Variants in TCP11L2 observed in about 807,000 individuals in gnomAD.
TCP11L2 encodes t-complex 11 like 2, also known as T-complex protein 11-like protein 2.
In TCP11L2, 39 loss-of-function variants were observed where a neutral mutation model predicts 50.7. The observed-to-expected ratio is 0.77, with a 90% confidence interval of 0.60 to 1.01. The LOEUF (loss-of-function observed/expected upper bound fraction) is 1.01, where lower values mean the gene tolerates loss of function less well. TCP11L2 is among the 50% of genes least tolerant of loss of function. The pLI is 0.00. For synonymous variants in TCP11L2, 192 were observed against 219.3 expected (o/e 0.88, Z 1.10); for missense variants, 612 against 614.7 (o/e 1.00, Z 0.05).
intron 6 of TCP11L2, among the ~76,000 whole-genome samples, chr12:106,334,381 C>T (rs2035840462): frequency 6.6e-6 from 1 of 152,224 alleles, no homozygotes; most frequent in African/African-American, 2.4e-5. Flanking sequence ...CACAGGCATT[C>T]ATTCAGATGT....
At chr12:106,333,663 G>GA (rs965779635) in intron 6 of TCP11L2, among the ~76,000 whole-genome samples, 2 of 151,650 alleles carry the variant, frequency 1.3e-5, no homozygotes, top group South Asian at 2.1e-4. Context: ...TTATATATGT[G>GA]AAAAAAACAA....
chr12:106,318,410 T>G lies in TCP11L2; in HGVS notation c.360T>G (p.Asn120Lys). Residue 120 changes from asparagine (N) to lysine (K), a missense_variant, in exon 4 of 10, where the codon AAT becomes AAG. Coordinates refer to ENST00000299045, the MANE Select transcript of TCP11L2 (RefSeq NM_152772.3). ...GGGACGTCTTGGATTCAGAACTAAA[T>G]GCTGACCCTCCTGAGTTTGAACATG... Reference protein sequence around the residue: ...AFWDVLDSELNADPPEFEHAI... With the variant: ...AFWDVLDSELKADPPEFEHAI... 1 of 1,614,108 alleles carries G rather than the reference T, an allele frequency of 6.2e-7. No homozygotes were observed.
At chr12:106,330,536 A>G (rs1051573913) in intron 6 of TCP11L2, among the ~76,000 whole-genome samples, 13 of 152,286 alleles carry the variant, frequency 8.5e-5, no homozygotes, top group African/African-American at 2.9e-4. Flanking sequence ...AGAATTATCC[A>G]GTCCAAAATG....
At chr12:106,299,599 A>G (rs1053111280), upstream of TCP11L2, among the ~76,000 whole-genome samples, 1 of 152,210 alleles carries the variant, frequency 6.6e-6, no homozygotes, top group Non-Finnish European at 1.5e-5. Flanking sequence ...CTGCACGAAC[A>G]TGAAGCCAGC....
intron 6 of TCP11L2, chr12:106,329,800 A>G (rs2035684591): frequency 3.0e-6 from 3 of 989,254 alleles, no homozygotes; most frequent in Non-Finnish European, 3.6e-6. Flanking sequence ...GCGCTCTCTC[A>G]GTTGGATGTC....
At chr12:106,302,221 G>A (rs2034434972), upstream of TCP11L2, among the ~76,000 whole-genome samples, 1 of 152,104 alleles carries the variant, frequency 6.6e-6, no homozygotes, top group African/African-American at 2.4e-5. Flanking sequence ...TGTGGTCCAC[G>A]CCAGTGCGCC....
At chr12:106,309,457 G>A (rs570693217) in intron 1 of TCP11L2, among the ~76,000 whole-genome samples, 6 of 152,062 alleles carry the variant, frequency 3.9e-5, no homozygotes, top group African/African-American at 1.4e-4. Flanking sequence ...GCTCAGCAAG[G>A]ATACATTTCT....
chr12:106,302,690 C>T (rs2136571381), upstream of TCP11L2: 1 of 152,404 alleles, frequency 6.6e-6, no homozygotes, highest in South Asian at 2.1e-4. Flanking sequence ...CTGAAGGGCC[C>T]TGGATCCCCT....
At chr12:106,321,391 G>A (rs1197399194) in intron 4 of TCP11L2, 95 bp from the exon 5 acceptor site, 5 of 1,082,004 alleles carry the variant, frequency 4.6e-6, no homozygotes, top group South Asian at 1.5e-5. Context: ...GCACTAAAAT[G>A]TGGGCAAAGA....
intron 6 of TCP11L2, among the ~76,000 whole-genome samples, chr12:106,328,136 T>C (rs771823747): frequency 2.6e-5 from 4 of 152,258 alleles, no homozygotes; most frequent in Non-Finnish European, 5.9e-5. Flanking sequence ...TGAAACTCTA[T>C]TGTGATTGCC....
At chr12:106,318,998 G>A (rs938214662) in intron 4 of TCP11L2, among the ~76,000 whole-genome samples, 5 of 151,662 alleles carry the variant, frequency 3.3e-5, no homozygotes, top group Admixed American at 6.6e-5. Flanking sequence ...TGCAAGCTCC[G>A]CTTCCCGGGT....
chr12:106,305,260 T>C (rs1459531989), intron 1 of TCP11L2, among the ~76,000 whole-genome samples: 4 of 151,734 alleles, frequency 2.6e-5, no homozygotes, highest in Admixed American at 6.6e-5. Flanking sequence ...AGATAAAATA[T>C]ATAAAGAACT....
intron 9 of TCP11L2, 148 bp from the exon 10 acceptor site, chr12:106,346,138 A>G (rs1031079225): frequency 2.5e-6 from 2 of 814,510 alleles, no homozygotes; most frequent in South Asian, 2.0e-5. Flanking sequence ...AGGAACTGCA[A>G]AGCTACCTTG....
chr12:106,318,981 G>C (rs1342779900), intron 4 of TCP11L2, among the ~76,000 whole-genome samples: 1 of 151,532 alleles, frequency 6.6e-6, no homozygotes, highest in Admixed American at 6.6e-5. Flanking sequence ...GCGCAATCTC[G>C]GCTCACTGCA....
At chr12:106,318,178 TTAAAA>T (rs1274637605) in intron 3 of TCP11L2, among the ~76,000 whole-genome samples, 161 bp from the exon 4 acceptor site, 1 of 146,386 alleles carries the variant, frequency 6.8e-6, no homozygotes, top group Non-Finnish European at 1.5e-5. Context: ...CTTAGCTATG[TTAAAA>T]TAATGCATTC....
At chr12:106,300,471 A>G (rs917413499), upstream of TCP11L2, among the ~76,000 whole-genome samples, 12 of 152,216 alleles carry the variant, frequency 7.9e-5, no homozygotes, top group Admixed American at 5.2e-4. Flanking sequence ...CTGGGATTAC[A>G]GGTGCGTGCC....
intron 8 of TCP11L2, among the ~76,000 whole-genome samples, chr12:106,336,657 ATTC>A (rs375338429): frequency 8.6e-5 from 13 of 150,578 alleles, no homozygotes; most frequent in African/African-American, 3.2e-4. Flanking sequence ...GGTTCAAGCA[ATTC>A]TTCTGCCTCA....
chr12:106,343,199 G>T (rs2036139400), intron 9 of TCP11L2, among the ~76,000 whole-genome samples: 1 of 152,172 alleles, frequency 6.6e-6, no homozygotes, highest in African/African-American at 2.4e-5. Flanking sequence ...ATCTGCAAAA[G>T]AGGCAAAAGA....
upstream of TCP11L2, among the ~76,000 whole-genome samples, chr12:106,300,288 T>G (rs998362211): frequency 6.6e-6 from 1 of 152,142 alleles, no homozygotes; most frequent in African/African-American, 2.4e-5. Context: ...TTGAGGGAAC[T>G]GCCTTATATT....
Sources: gnomAD v4.1 joint callset for allele counts (sites outside exome capture counted in the v4.1 genomes callset) on GRCh38, gnomAD v4.1.1 for gene constraint, MANE v1.5 for transcripts, NCBI Gene and HGNC (gene_info 2026-07-23, HGNC 2026-07-21) for gene names.